The following LIMCH1 variants were observed in gnomAD, a reference collection of about 807,000 sequenced individuals.
LIMCH1 encodes the protein LIM and calponin homology domains-containing protein 1.
Under a neutral mutation model 176.5 loss-of-function variants are expected in LIMCH1, and 113 were observed. The ratio of observed to expected loss-of-function variants is 0.64; its 90% CI spans 0.55 to 0.75. LIMCH1 has a LOEUF of 0.75. Among genes scored for constraint, LIMCH1 ranks in the 30% least tolerant of loss-of-function variants. LIMCH1 has a pLI of 0.00. For synonymous variants in LIMCH1, 619 were observed against 645.9 expected, an observed-to-expected ratio of 0.96 and a Z score of 0.63; for missense variants, 1,674 against 1,814.9, an observed-to-expected ratio of 0.92 and a Z score of 1.41.
chr4:41,413,101 A>T (rs2059628752), intron 1 of LIMCH1, among the ~76,000 whole-genome samples: 1 of 151,936 alleles, frequency 6.6e-6, no homozygotes. Flanking sequence ...TCCTTTACAT[A>T]TTGATCTGTA....
chr4:41,468,212 C>T (rs2066422829), intron 1 of LIMCH1, among the ~76,000 whole-genome samples: 1 of 150,112 alleles, frequency 6.7e-6, no homozygotes, highest in Non-Finnish European at 1.5e-5. Flanking sequence ...GCCGGCCTGC[C>T]TTTATTCCCT....
intron 1 of LIMCH1, among the ~76,000 whole-genome samples, chr4:41,469,736 C>T (rs1012962877): frequency 6.6e-6 from 1 of 151,978 alleles, no homozygotes; most frequent in East Asian, 1.9e-4. Context: ...GGCTGGACTG[C>T]AGTGGCACAA....
intron 1 of LIMCH1, among the ~76,000 whole-genome samples, chr4:41,427,457 T>C (rs1279058619): frequency 6.6e-6 from 1 of 152,196 alleles, no homozygotes; most frequent in South Asian, 2.1e-4. Flanking sequence ...ATTTCCTCCC[T>C]CCTATCCTAC....
chr4:41,608,321 A>T (rs1299363965), intron 4 of LIMCH1, among the ~76,000 whole-genome samples: 2 of 152,202 alleles, frequency 1.3e-5, no homozygotes, highest in Non-Finnish European at 2.9e-5. Flanking sequence ...CATCTTACAG[A>T]CTTGAACTTG....
intron 1 of LIMCH1, among the ~76,000 whole-genome samples, chr4:41,563,967 G>A (rs2082387700): frequency 6.6e-6 from 1 of 152,138 alleles, no homozygotes; most frequent in Non-Finnish European, 1.5e-5. Context: ...AGAGCAGGAG[G>A]ATCCGTGGAA....
At chr4:41,405,006 A>AT (rs2058820964) in intron 1 of LIMCH1, among the ~76,000 whole-genome samples, 1 of 151,462 alleles carries the variant, frequency 6.6e-6, no homozygotes, top group Admixed American at 6.6e-5. Flanking sequence ...TCTTTAACCC[A>AT]TTTTTTCTGT....
intron 1 of LIMCH1, among the ~76,000 whole-genome samples, chr4:41,400,680 T>TA (rs75021800): frequency 0.12 from 18,025 of 152,176 alleles, 1,383 homozygotes; most frequent in African/African-American, 0.22. Flanking sequence ...TGATGTTTTC[T>TA]AGATAGATCT....
At chr4:41,522,573 A>G (rs2076227380) in intron 2 of LIMCH1, among the ~76,000 whole-genome samples, 2 of 152,222 alleles carry the variant, frequency 1.3e-5, no homozygotes, top group South Asian at 4.1e-4. Context: ...ATCTGAGAAA[A>G]GCAAAAGTAG....
At chr4:41,644,002 C>G (rs1402908630) in intron 14 of LIMCH1, among the ~76,000 whole-genome samples, 5 of 152,138 alleles carry the variant, frequency 3.3e-5, no homozygotes, top group African/African-American at 1.2e-4. Flanking sequence ...GAGAAATTGC[C>G]TCCATTCACA....
chr4:41,578,116 A>G (rs188511849), intron 1 of LIMCH1, among the ~76,000 whole-genome samples: 1 of 152,196 alleles, frequency 6.6e-6, no homozygotes, highest in African/African-American at 2.4e-5. Context: ...CATGTATATC[A>G]TTTTAAGATG....
At chr4:41,633,964 T>G (rs965863952) in intron 13 of LIMCH1, among the ~76,000 whole-genome samples, 156 bp downstream of exon 13, 1 of 152,246 alleles carries the variant, frequency 6.6e-6, no homozygotes, top group Non-Finnish European at 1.5e-5. Flanking sequence ...AAATTTTTCC[T>G]CTTTTTACAT....
At chr4:41,411,626 T>C (rs555925820) in intron 1 of LIMCH1, among the ~76,000 whole-genome samples, 1 of 151,946 alleles carries the variant, frequency 6.6e-6, no homozygotes, top group African/African-American at 2.4e-5. Flanking sequence ...CACTCACTCT[T>C]GTGGTCCACC....
intron 2 of LIMCH1, among the ~76,000 whole-genome samples, chr4:41,502,483 C>T (rs1483854500): frequency 1.3e-5 from 2 of 152,200 alleles, no homozygotes; most frequent in African/African-American, 2.4e-5. Flanking sequence ...GAGGAATCGC[C>T]ACACTATCTA....
intron 1 of LIMCH1, chr4:41,494,428 C>A: frequency 1.4e-6 from 1 of 693,840 alleles, no homozygotes; most frequent in Non-Finnish European, 2.5e-6. Flanking sequence ...TATACACATA[C>A]ATAGTTATAT....
In LIMCH1 at chr4:41,601,575, G is replaced by T. The variant is rs888238746; in HGVS notation, c.-133-2300G>T. On this transcript the variant is annotated intron_variant, in intron 2 of 31. Coordinates refer to ENST00000503057, the MANE Select transcript of LIMCH1 (RefSeq NM_001330672.2). Reference sequence around the variant, plus strand: ...GATAATGTGTAAGGACATGTGTGGTGGGCGTGGCAGTCCACAAGCAGGGTA... The same window carrying T: ...GATAATGTGTAAGGACATGTGTGGTTGGCGTGGCAGTCCACAAGCAGGGTA... Among the ~76,000 whole-genome samples, 5 of 152,186 alleles carry T rather than the reference G, an allele frequency of 3.3e-5. No individual in the cohort carries two copies. The East Asian group carries it at 7.7e-4, about 23-fold the overall frequency.
chr4:41,398,030 T>C (rs762566657), intron 1 of LIMCH1, among the ~76,000 whole-genome samples: 5 of 152,010 alleles, frequency 3.3e-5, no homozygotes, highest in African/African-American at 7.2e-5. Context: ...AAAAGAAAGG[T>C]AAATTATATG....
At chr4:41,424,402 T>C (rs1348282978) in intron 1 of LIMCH1, among the ~76,000 whole-genome samples, 2 of 152,234 alleles carry the variant, frequency 1.3e-5, no homozygotes, top group Non-Finnish European at 2.9e-5. Flanking sequence ...CAGATTCTTA[T>C]TGGCTGCTTA....
intron 26 of LIMCH1, 115 bp downstream of exon 26, chr4:41,682,575 T>G (rs1411894225): frequency 1.1e-6 from 1 of 936,084 alleles, no homozygotes; most frequent in African/African-American, 1.7e-5. Flanking sequence ...AAATGAATGT[T>G]CCAGTAATAC....
At chr4:41,439,832 A>C (rs1467356669) in intron 1 of LIMCH1, among the ~76,000 whole-genome samples, 3 of 152,012 alleles carry the variant, frequency 2.0e-5, no homozygotes, top group African/African-American at 7.3e-5. Context: ...TGAACCCGGG[A>C]GGCAGAGGTT....
Sources: gnomAD v4.1 joint callset for allele counts (sites outside exome capture counted in the v4.1 genomes callset) on GRCh38, gnomAD v4.1.1 for gene constraint, MANE v1.5 for transcripts, NCBI Gene and HGNC (gene_info 2026-07-23, HGNC 2026-07-21) for gene names.